The following CCDC40 variants were observed in gnomAD, a reference collection of about 807,000 sequenced individuals.
CCDC40 encodes coiled-coil domain-containing protein 40.
Under a neutral mutation model 124.5 loss-of-function variants are expected in CCDC40, and 104 were observed. The ratio of observed to expected loss-of-function variants is 0.84; its 90% CI spans 0.71 to 0.98. CCDC40 has a LOEUF of 0.98. Ranked by LOEUF, CCDC40 falls within the 50% of genes least tolerant of loss-of-function variation. CCDC40 has a pLI of 0.00. For missense variants in CCDC40, 1,463 were observed against 1,503.9 expected, an observed-to-expected ratio of 0.97 and a Z score of 0.45; for synonymous variants, 580 against 602.9, an observed-to-expected ratio of 0.96 and a Z score of 0.56.
Position 80,084,777 on chromosome 17 carries a change from C to A in CCDC40, c.2024C>A (p.Ala675Asp), listed in dbSNP as rs762496813. The change falls in exon 13 of 20, where the codon GCC (alanine) becomes GAC (aspartate). Residue 675 changes from alanine (A) to aspartate (D), a missense_variant. Coordinates refer to ENST00000397545, the MANE Select transcript of CCDC40 (RefSeq NM_017950.4). ...THLSKINGDI[A>D]QTTLDITHTS... ...CTTTCCAAAATCAACGGTGACATTG[C>A]CCAGACCACCCTGGACATCACACAC... 1 of 1,614,020 alleles carries A rather than the reference C, an allele frequency of 6.2e-7. No individual in the cohort carries two copies. Among genetic ancestry groups the A allele is most frequent in the Admixed American group, 1.7e-5 (1 of 60,008 alleles).
chr17:80,086,341 A>G lies in CCDC40; in HGVS notation c.2449+125A>G, dbSNP rs1024494781. 2.6e-6 allele frequency: 2 copies of G among 772,632 alleles called. No homozygotes were observed. The highest frequency in any genetic ancestry group is 3.5e-5 in the African/African-American group (2 of 57,944). The allele number at this position is 772,632 out of a possible 1,614,324, so 47.9% of individuals were successfully genotyped here. On this transcript the variant is annotated intron_variant, in intron 14 of 19. Coordinates refer to ENST00000397545, the MANE Select transcript of CCDC40 (RefSeq NM_017950.4). This position sits in a 1 kb window ranked among gnomAD's most constrained non-coding sequence, Gnocchi z 5.5. ...TTTGCACGCAGCCTTAAAAGCAAAT[A>G]ACAAACGCGCATGCTCCCTGTATTT...
At chr17:80,056,201 G>GGT (rs2037745258) in intron 7 of CCDC40, among the ~76,000 whole-genome samples, 3 of 149,884 alleles carry the variant, frequency 2.0e-5, no homozygotes, top group African/African-American at 7.4e-5. Flanking sequence ...AAGTCACAAG[G>GGT]GTGTGTGTGT....
chr17:80,085,916 C>A, intron 13 of CCDC40, 87 bp from the exon 14 acceptor site: 5 of 1,245,230 alleles, frequency 4.0e-6, no homozygotes, highest in Non-Finnish European at 5.9e-6. Flanking sequence ...GTGATCCACC[C>A]GCCTCAGCCT....
At chr17:80,042,370 G>A (rs943157348) in intron 3 of CCDC40, among the ~76,000 whole-genome samples, 5 of 152,120 alleles carry the variant, frequency 3.3e-5, no homozygotes, top group African/African-American at 4.8e-5. Flanking sequence ...TCTGCCTGCC[G>A]CAGCTTCCCA....
At chr17:80,091,508 C>T (rs1032677204) in intron 17 of CCDC40, among the ~76,000 whole-genome samples, 1 of 151,196 alleles carries the variant, frequency 6.6e-6, no homozygotes, top group Non-Finnish European at 1.5e-5. Context: ...TCATCCCAGC[C>T]CAGTGTTCCC....
intron 9 of CCDC40, among the ~76,000 whole-genome samples, chr17:80,062,419 G>A (rs62074552): frequency 0.096 from 14,549 of 151,270 alleles, 732 homozygotes; most frequent in Middle Eastern, 0.14. Flanking sequence ...TCGTCATTTA[G>A]CATTAGGTAT....
At chr17:80,089,497 A>C in intron 16 of CCDC40, 1 of 464,340 alleles carries the variant, frequency 2.2e-6, no homozygotes, top group Non-Finnish European at 4.0e-6. Flanking sequence ...TCCTACAGTT[A>C]TATATCCCTG....
intron 18 of CCDC40, among the ~76,000 whole-genome samples, chr17:80,096,974 G>T (rs982657445): frequency 2.0e-5 from 3 of 152,142 alleles, no homozygotes; most frequent in Non-Finnish European, 4.4e-5. Flanking sequence ...CCAGTCTCCT[G>T]CCTGGGGACA....
At chr17:80,060,396 A>T (rs8068206) in intron 9 of CCDC40, among the ~76,000 whole-genome samples, 40,573 of 151,382 alleles carry the variant, frequency 0.27, 6,030 homozygotes, top group African/African-American at 0.41. Context: ...ATAATAATTA[A>T]AAAAAAATAA....
At chr17:80,043,348 C>G (rs2037328515) in intron 3 of CCDC40, among the ~76,000 whole-genome samples, 1 of 152,114 alleles carries the variant, frequency 6.6e-6, no homozygotes, top group Non-Finnish European at 1.5e-5. Flanking sequence ...GTGCTGGGGT[C>G]CTCATTGATG....
At chr17:80,069,403 A>G (rs1297292652) in intron 10 of CCDC40, among the ~76,000 whole-genome samples, 1 of 152,182 alleles carries the variant, frequency 6.6e-6, no homozygotes, top group African/African-American at 2.4e-5. Context: ...ATAAAAGTTC[A>G]GGAGAAACAT....
chr17:80,070,626 A>T (rs2038164168), intron 10 of CCDC40, among the ~76,000 whole-genome samples: 1 of 151,634 alleles, frequency 6.6e-6, no homozygotes, highest in South Asian at 2.1e-4. Flanking sequence ...TTAGCGGGGC[A>T]TGGTGGTGTG....
chr17:80,065,696 G>A (rs1398129906), intron 10 of CCDC40, 90 bp downstream of exon 10: 10 of 1,540,956 alleles, frequency 6.5e-6, no homozygotes, highest in South Asian at 5.6e-5. Flanking sequence ...TGGGTCCACC[G>A]GATCTCTGGG....
chr17:80,046,179 AATC>A (rs1368133199), intron 3 of CCDC40, among the ~76,000 whole-genome samples: 1 of 152,182 alleles, frequency 6.6e-6, no homozygotes, highest in African/African-American at 2.4e-5. Flanking sequence ...TGGATATAAA[AATC>A]ATCATTTGAC....
chr17:80,063,187 G>T (rs1430453800), intron 9 of CCDC40, among the ~76,000 whole-genome samples: 1 of 148,740 alleles, frequency 6.7e-6, no homozygotes, highest in Non-Finnish European at 1.5e-5. Flanking sequence ...GAGAGTAAAA[G>T]TGTCTCAAAA....
At chr17:80,064,665 C>G (rs376569140) in intron 9 of CCDC40, among the ~76,000 whole-genome samples, 1 of 151,942 alleles carries the variant, frequency 6.6e-6, no homozygotes, top group Non-Finnish European at 1.5e-5. Context: ...GAACCACCCC[C>G]CTAGTTTTCA....
intron 1 of CCDC40, among the ~76,000 whole-genome samples, chr17:80,037,067 G>T (rs2037090560): frequency 6.6e-6 from 1 of 152,158 alleles, no homozygotes; most frequent in Non-Finnish European, 1.5e-5. Context: ...TGCAGGGCGC[G>T]GGGCTGTTGG....
chr17:80,038,412 T>C lies in CCDC40; in HGVS notation c.93+226T>C, dbSNP rs181306228. 2.3e-3 allele frequency among the ~76,000 whole-genome samples: 346 copies of C among 152,260 alleles called. 1 individual carries two copies. The highest frequency in any genetic ancestry group is 2.6e-3 in the Non-Finnish European group (177 of 68,022). ...CGGGCGTGGTGGTGCGCACATGTAG[T>C]CCCAGCTACTCGGGAGGCTGAGGCA... On this transcript the variant is annotated intron_variant, in intron 2 of 19. Transcript: ENST00000397545.
intron 10 of CCDC40, among the ~76,000 whole-genome samples, chr17:80,068,683 A>G (rs998265672): frequency 2.0e-5 from 3 of 152,068 alleles, no homozygotes; most frequent in African/African-American, 7.2e-5. Context: ...CCCATGGGGC[A>G]GGACCCCCTG....
Sources: gnomAD v4.1 joint callset for allele counts (sites outside exome capture counted in the v4.1 genomes callset) on GRCh38, gnomAD v4.1.1 for gene constraint, Gnocchi (gnomAD v3.1) non-coding constraint, MANE v1.5 for transcripts, NCBI Gene and HGNC (gene_info 2026-07-23, HGNC 2026-07-21) for gene names.